The following CNOT2 variants were observed in gnomAD, a reference collection of about 807,000 sequenced individuals.
CNOT2 encodes the protein CCR4-NOT transcription complex subunit 2.
Under a neutral mutation model 72.1 loss-of-function variants are expected in CNOT2, and 7 were observed. The observed-to-expected ratio is 0.10, with a 90% CI of 0.06 to 0.18. The LOEUF is 0.18. Ranked by LOEUF, CNOT2 falls within the 10% of genes least tolerant of loss-of-function variation. CNOT2 has a pLI of 1.00. For missense variants in CNOT2, 345 were observed against 660.3 expected, an observed-to-expected ratio of 0.52 and a Z score of 5.23; for synonymous variants, 196 against 225.6, an observed-to-expected ratio of 0.87 and a Z score of 1.17.
At chr12:70,262,267 GGTTTT>G (rs576955995) in intron 1 of CNOT2, among the ~76,000 whole-genome samples, 86 of 151,804 alleles carry the variant, frequency 5.7e-4, no homozygotes, top group Middle Eastern at 3.4e-3. Context: ...TCTTTTTCTA[GGTTTT>G]GTTTTGTTTT....
intron 2 of CNOT2, among the ~76,000 whole-genome samples, chr12:70,305,300 G>A (rs981976930): frequency 6.6e-6 from 1 of 152,150 alleles, no homozygotes; most frequent in African/African-American, 2.4e-5. Context: ...TTCCTATTCG[G>A]CCATCTTGGC....
chr12:70,266,981 G>A (rs998373626), intron 1 of CNOT2, among the ~76,000 whole-genome samples: 26 of 111,864 alleles, frequency 2.3e-4, no homozygotes, highest in African/African-American at 2.9e-4. Context: ...TTTCACTCAT[G>A]TGATTGATTC....
At chr12:70,251,261 A>C (rs1958130684) in intron 1 of CNOT2, among the ~76,000 whole-genome samples, 1 of 152,114 alleles carries the variant, frequency 6.6e-6, no homozygotes, top group African/African-American at 2.4e-5. Context: ...GAGTAGAGTA[A>C]CTTTGTTTCA....
At chr12:70,292,509 A>G (rs918043009) in intron 2 of CNOT2, among the ~76,000 whole-genome samples, 1 of 152,248 alleles carries the variant, frequency 6.6e-6, no homozygotes, top group Non-Finnish European at 1.5e-5. Flanking sequence ...GAGGAAGAGC[A>G]TTCCTGGAGG....
chr12:70,325,631 A>G (rs1238283838), intron 4 of CNOT2, among the ~76,000 whole-genome samples: 1 of 151,900 alleles, frequency 6.6e-6, no homozygotes, highest in East Asian at 1.9e-4. Flanking sequence ...TTAATGAAGA[A>G]AATTGCATAA....
At chr12:70,308,555 T>TTCTCTCTC (rs3049213) in intron 2 of CNOT2, among the ~76,000 whole-genome samples, 57 of 134,324 alleles carry the variant, frequency 4.2e-4, no homozygotes, top group African/African-American at 1.2e-3. Context: ...TTGGTATATT[T>TTCTCTCTC]TCTCTCTCTC....
At chr12:70,300,563 T>G (rs886957569) in intron 2 of CNOT2, among the ~76,000 whole-genome samples, 1 of 152,238 alleles carries the variant, frequency 6.6e-6, no homozygotes, top group Non-Finnish European at 1.5e-5. Flanking sequence ...GGCTCTGTTC[T>G]GTTCCATTGG....
At chr12:70,351,101 A>G (rs909060143) in intron 15 of CNOT2, among the ~76,000 whole-genome samples, 2 of 152,206 alleles carry the variant, frequency 1.3e-5, no homozygotes, top group Admixed American at 1.3e-4. Context: ...CAATCATATT[A>G]TAATCTAGAA....
chr12:70,303,670 T>C (rs893301556), intron 2 of CNOT2, among the ~76,000 whole-genome samples: 1 of 152,182 alleles, frequency 6.6e-6, no homozygotes, highest in African/African-American at 2.4e-5. Flanking sequence ...CATTTCAACT[T>C]TGGTGAATCT....
chr12:70,278,738 A>G (rs905534265), intron 2 of CNOT2, among the ~76,000 whole-genome samples: 4 of 152,302 alleles, frequency 2.6e-5, no homozygotes, highest in Non-Finnish European at 4.4e-5. Context: ...TAGAGACCCA[A>G]ATTCTATTGA....
At chr12:70,259,175 C>T (rs1422831106) in intron 1 of CNOT2, among the ~76,000 whole-genome samples, 2 of 152,156 alleles carry the variant, frequency 1.3e-5, no homozygotes, top group Admixed American at 1.3e-4. Flanking sequence ...AGAGTCAGGT[C>T]TTTGACTTCA....
chr12:70,348,331 C>T (rs1882457894), intron 15 of CNOT2, among the ~76,000 whole-genome samples: 1 of 152,104 alleles, frequency 6.6e-6, no homozygotes, highest in African/African-American at 2.4e-5. Flanking sequence ...ATTTCTGGAC[C>T]ATACCTCCAT....
At chr12:70,326,762 A>C (rs1879142399) in intron 4 of CNOT2, among the ~76,000 whole-genome samples, 1 of 151,846 alleles carries the variant, frequency 6.6e-6, no homozygotes, top group African/African-American at 2.4e-5. Flanking sequence ...ATTTGAAGTG[A>C]TATATTCTTT....
intron 13 of CNOT2, among the ~76,000 whole-genome samples, chr12:70,342,695 T>C (rs1465633232): frequency 6.6e-6 from 1 of 152,164 alleles, no homozygotes; most frequent in Non-Finnish European, 1.5e-5. Context: ...TCTGTATTTT[T>C]TCATTTCCAT....
At chr12:70,250,469 T>C (rs1180585496) in intron 1 of CNOT2, among the ~76,000 whole-genome samples, 1 of 152,084 alleles carries the variant, frequency 6.6e-6, no homozygotes, top group Non-Finnish European at 1.5e-5. Context: ...GACATTGTTA[T>C]TGGATATATG....
At chr12:70,291,628 A>C (rs926904064) in intron 2 of CNOT2, among the ~76,000 whole-genome samples, 2 of 152,220 alleles carry the variant, frequency 1.3e-5, no homozygotes, top group African/African-American at 2.4e-5. Flanking sequence ...GAAGGAAAGT[A>C]GAAAATTACC....
intron 4 of CNOT2, among the ~76,000 whole-genome samples, chr12:70,326,722 A>C (rs1000503161): frequency 6.6e-6 from 1 of 151,876 alleles, no homozygotes; most frequent in Non-Finnish European, 1.5e-5. Context: ...TAAAGTAACA[A>C]TTATTAAGTA....
intron 2 of CNOT2, among the ~76,000 whole-genome samples, chr12:70,289,484 T>C (rs1871486208): frequency 6.6e-6 from 1 of 152,136 alleles, no homozygotes; most frequent in Non-Finnish European, 1.5e-5. Context: ...ATTTGTATGT[T>C]TATACAAATT....
chr12:70,295,393 A>G (rs542168138), intron 2 of CNOT2, among the ~76,000 whole-genome samples: 8 of 152,144 alleles, frequency 5.3e-5, no homozygotes, highest in Non-Finnish European at 8.8e-5. Context: ...TGGACGCTCT[A>G]TATAAACACA....
Sources: allele counts gnomAD v4.1 joint callset (sites outside exome capture counted in the v4.1 genomes callset), GRCh38; gene constraint gnomAD v4.1.1; transcripts MANE v1.5; gene names NCBI Gene and HGNC (gene_info 2026-07-23, HGNC 2026-07-21).